The following CEP112 variants were observed in gnomAD, a reference collection of about 807,000 sequenced individuals.
CEP112 encodes the protein centrosomal protein 112, also known as centrosomal protein of 112 kDa.
A neutral mutation model predicts 153.0 loss-of-function variants in CEP112; 127 were observed. That is an observed-to-expected ratio of 0.83 (90% confidence interval 0.72 to 0.96). CEP112 has a LOEUF of 0.96. CEP112 is among the 40% of genes least tolerant of loss of function. The pLI, the probability that CEP112 is intolerant of heterozygous loss-of-function variation, is 0.00. For missense variants in CEP112, 1,089 were observed against 1,101.2 expected (o/e 0.99, Z 0.16); for synonymous variants, 358 against 374.4 (o/e 0.96, Z 0.51).
intron 24 of CEP112, among the ~76,000 whole-genome samples, chr17:65,682,593 A>T (rs1459263354): frequency 6.6e-6 from 1 of 152,196 alleles, no homozygotes; most frequent in African/African-American, 2.4e-5. Flanking sequence ...GCTGGTCCTG[A>T]CACACAACAC....
intron 4 of CEP112, among the ~76,000 whole-genome samples, chr17:66,168,517 G>T (rs1270577377): frequency 1.3e-5 from 2 of 151,104 alleles, no homozygotes; most frequent in East Asian, 1.9e-4. Flanking sequence ...ATATGTGTGT[G>T]TATATATATG....
intron 18 of CEP112, among the ~76,000 whole-genome samples, chr17:65,935,502 C>A (rs1006113051): frequency 6.6e-6 from 1 of 152,104 alleles, no homozygotes; most frequent in Non-Finnish European, 1.5e-5. Context: ...AAACATTCTG[C>A]AGAACTATGT....
At chr17:65,868,264 G>A (rs1273647145) in intron 20 of CEP112, among the ~76,000 whole-genome samples, 1 of 151,998 alleles carries the variant, frequency 6.6e-6, no homozygotes, top group Non-Finnish European at 1.5e-5. Context: ...TTCCCAGAGG[G>A]CGAAGAAGAC....
intron 19 of CEP112, among the ~76,000 whole-genome samples, chr17:65,910,491 C>T (rs777652774): frequency 8.5e-5 from 13 of 152,118 alleles, no homozygotes; most frequent in Admixed American, 3.9e-4. Flanking sequence ...TCATTAAAAA[C>T]CAAAAACAAT....
chr17:66,073,393 G>A (rs35255316), intron 8 of CEP112, among the ~76,000 whole-genome samples: 60,164 of 152,020 alleles, frequency 0.4, 13,489 homozygotes, highest in East Asian at 0.87. Flanking sequence ...AATCTTAAAT[G>A]CAGGGTACTA....
intron 21 of CEP112, among the ~76,000 whole-genome samples, chr17:65,790,853 G>A (rs2054550516): frequency 2.0e-5 from 3 of 152,156 alleles, no homozygotes; most frequent in Admixed American, 2.0e-4. Flanking sequence ...AAACTGTTCA[G>A]TCTCTTCTAA....
chr17:65,854,808 C>T (rs1468763736), intron 20 of CEP112, among the ~76,000 whole-genome samples: 4 of 152,096 alleles, frequency 2.6e-5, no homozygotes, highest in African/African-American at 7.2e-5. Context: ...CAGTCTTTTA[C>T]CTTTTGTTCT....
At chr17:65,916,462 A>G (rs1376378090) in intron 19 of CEP112, among the ~76,000 whole-genome samples, 34 of 152,134 alleles carry the variant, frequency 2.2e-4, no homozygotes, top group Admixed American at 2.2e-3. Context: ...AGAAGGCATT[A>G]GTTCCACTTT....
intron 23 of CEP112, among the ~76,000 whole-genome samples, chr17:65,732,549 G>A (rs1406369752): frequency 6.6e-6 from 1 of 152,214 alleles, no homozygotes; most frequent in African/African-American, 2.4e-5. Context: ...AAAAGTCCTA[G>A]ATGGCATCTT....
chr17:65,635,929 A>G lies in CEP112; in HGVS notation c.*42T>C. The G allele has an allele frequency of 1.3e-6, 2 of 1,591,092 alleles. No homozygotes were observed. The highest frequency in any genetic ancestry group is 1.7e-6 in the Non-Finnish European group (2 of 1,166,218). ...TTCAAACCTGCTGGAAGAAGTCCAC[A>G]GCACAGCCTGGAAATTGCATCCGTT... On this transcript the variant is annotated 3_prime_UTR_variant, in exon 27 of 27. Coordinates refer to ENST00000535342, the MANE Select transcript of CEP112 (RefSeq NM_001199165.4).
At chr17:65,761,506 G>C (rs1166452444) in intron 21 of CEP112, among the ~76,000 whole-genome samples, 2 of 151,916 alleles carry the variant, frequency 1.3e-5, no homozygotes, top group Non-Finnish European at 2.9e-5. Flanking sequence ...ATTGATTTTA[G>C]ATATTTCTTC....
At chr17:65,648,980 C>T (rs60051619) in intron 24 of CEP112, among the ~76,000 whole-genome samples, 8,938 of 151,906 alleles carry the variant, frequency 0.059, 741 homozygotes, top group African/African-American at 0.18. Flanking sequence ...GAAGCCAGGA[C>T]GTGGAGGTTG....
rs55755336 is a variant in CEP112, at chr17:65,918,179, CA to C, written c.1980+9402del. Among the ~76,000 whole-genome samples, 676 of 116,998 alleles carry C rather than the reference CA, an allele frequency of 5.8e-3. 2 individuals carry two copies. The highest frequency in any genetic ancestry group is 8.6e-3 in the Non-Finnish European group (480 of 56,068). 76.8% of individuals were successfully genotyped at this position (116,998 alleles called of 152,430 possible). On this transcript the variant is annotated intron_variant, in intron 19 of 26. Coordinates refer to ENST00000535342, the MANE Select transcript of CEP112 (RefSeq NM_001199165.4). Reference sequence around the variant, plus strand: ...TGAGTGACAGAGCAAGACTCTGTCTCAAAAAAAAAAAAAAATTAAAATTAAA... The same window carrying C: ...TGAGTGACAGAGCAAGACTCTGTCTCAAAAAAAAAAAAAATTAAAATTAAA...
At position 66,010,889 on chromosome 17, in the gene CEP112, T is replaced by C. The variant is rs538123742; in HGVS notation, c.1657-5120A>G. Among the ~76,000 whole-genome samples, 4 of 152,308 alleles carry C rather than the reference T, an allele frequency of 2.6e-5. No individual in the cohort carries two copies. In the East Asian group the frequency reaches 7.7e-4, roughly 29 times the overall value. ...ATTTTGTTGAAGATTTTTGTATCAA[T>C]GTTTATCAAGGATATTGGCCTGAAG... On this transcript the variant is annotated intron_variant, in intron 16 of 26. Coordinates refer to ENST00000535342, the MANE Select transcript of CEP112 (RefSeq NM_001199165.4).
intron 4 of CEP112, among the ~76,000 whole-genome samples, chr17:66,174,066 C>A (rs2072361042): frequency 6.6e-6 from 1 of 151,998 alleles, no homozygotes; most frequent in South Asian, 2.1e-4. Context: ...GTAGCTGGGA[C>A]TACAGGCACC....
chr17:66,133,948 C>G (rs1255532014), intron 4 of CEP112, among the ~76,000 whole-genome samples: 1 of 151,896 alleles, frequency 6.6e-6, no homozygotes, highest in African/African-American at 2.4e-5. Flanking sequence ...TTTAATACCC[C>G]TATTCAGTAG....
chr17:65,854,734 T>C (rs1308843018), intron 20 of CEP112, among the ~76,000 whole-genome samples: 3 of 152,238 alleles, frequency 2.0e-5, no homozygotes, highest in African/African-American at 4.8e-5. Flanking sequence ...TCTATTTGTT[T>C]CTCTATTTCA....
At chr17:65,935,313 C>CAA (rs1474603993) in intron 18 of CEP112, among the ~76,000 whole-genome samples, 11 of 152,112 alleles carry the variant, frequency 7.2e-5, no homozygotes, top group Admixed American at 2.0e-4. Flanking sequence ...GACTGTAATA[C>CAA]AATAACAGGA....
At chr17:65,723,091 G>A (rs1206390837) in intron 23 of CEP112, among the ~76,000 whole-genome samples, 1 of 152,196 alleles carries the variant, frequency 6.6e-6, no homozygotes, top group African/African-American at 2.4e-5. Flanking sequence ...TGCTTCAGAT[G>A]TAGAACACAA....
Sources: allele counts gnomAD v4.1 joint callset (sites outside exome capture counted in the v4.1 genomes callset), GRCh38; gene constraint gnomAD v4.1.1; transcripts MANE v1.5; gene names NCBI Gene and HGNC (gene_info 2026-07-23, HGNC 2026-07-21).